The following ENPP3 variants were observed in gnomAD, a reference collection of about 807,000 sequenced individuals.
ENPP3 encodes the protein ectonucleotide pyrophosphatase/phosphodiesterase 3.
ENPP3 carries 104 observed loss-of-function variants against 117.8 expected under a neutral mutation model. The observed-to-expected ratio is 0.88, with a 90% CI of 0.75 to 1.04. ENPP3 has a LOEUF of 1.04. ENPP3 is among the 50% of genes least tolerant of loss of function. The probability of loss-of-function intolerance (pLI) is 0.00; values close to 1 mark genes in which losing one functional copy is unlikely to be tolerated. For missense variants in ENPP3, 1,026 were observed against 1,051.9 expected (o/e 0.98, Z 0.34); for synonymous variants, 380 against 349.9 (o/e 1.09, Z -0.96).
intron 18 of ENPP3, among the ~76,000 whole-genome samples, chr6:131,723,482 G>T (rs1780079856): frequency 6.6e-6 from 1 of 152,132 alleles, no homozygotes; most frequent in Admixed American, 6.6e-5. Flanking sequence ...CATGCTCAGA[G>T]AAGTTAGATA....
chr6:131,739,475 C>A (rs369484266), intron 23 of ENPP3, among the ~76,000 whole-genome samples: 83 of 152,022 alleles, frequency 5.5e-4, no homozygotes, highest in African/African-American at 1.8e-3. Context: ...TGGAAGTGCA[C>A]GGCTGGAGGT....
In ENPP3 at chr6:131,661,390, G is replaced by C. The variant is rs1162026996; in HGVS notation, c.562+2970G>C. 2.6e-5 allele frequency among the ~76,000 whole-genome samples: 4 copies of C among 151,718 alleles called. No individual in the cohort carries two copies. In the East Asian group the frequency reaches 7.7e-4, roughly 29 times the overall value. ...ATATCTTCATCAACACCTGTTTTTGGGGTTTTTTTGATACTAGATATCCTA... is the reference window on the plus strand; with the variant it reads ...ATATCTTCATCAACACCTGTTTTTGCGGTTTTTTTGATACTAGATATCCTA... On this transcript the variant is annotated intron_variant, in intron 6 of 24. Coordinates refer to ENST00000357639, the MANE Select transcript of ENPP3 (RefSeq NM_005021.5).
rs200773947 is a variant in ENPP3, at chr6:131,685,398, C to T, written c.1155C>T (p.Tyr385=). The change falls in exon 13 of 25, where the codon TAC becomes TAT. Residue 385 remains tyrosine (Y), a synonymous_variant. Transcript: ENST00000357639. ...AGACTTATTGTAACAAGATGGAATACATGACTGATTATTTTCCCAGAATAA... is the reference window on the plus strand; with the variant it reads ...AGACTTATTGTAACAAGATGGAATATATGACTGATTATTTTCCCAGAATAA... The part of the protein sequence containing the change: ...MDQTYCNKME[Y]MTDYFPRINF... 28 of 1,612,098 alleles carry T rather than the reference C, an allele frequency of 1.7e-5. No homozygotes were observed. The East Asian group carries it at 6.2e-4, about 36-fold the overall frequency.
chr6:131,660,154 C>A (rs55993291), intron 6 of ENPP3, among the ~76,000 whole-genome samples: 1 of 152,188 alleles, frequency 6.6e-6, no homozygotes, highest in African/African-American at 2.4e-5. Context: ...GGTACATATT[C>A]TCAGGACCAC....
chr6:131,638,894 T>C (rs1050997280), intron 1 of ENPP3, among the ~76,000 whole-genome samples: 1 of 151,994 alleles, frequency 6.6e-6, no homozygotes, highest in Non-Finnish European at 1.5e-5. Context: ...AACCCTGGGC[T>C]CAAGTGATCC....
chr6:131,645,747 GA>G (rs1197939686), intron 2 of ENPP3, among the ~76,000 whole-genome samples: 1 of 152,182 alleles, frequency 6.6e-6, no homozygotes. Flanking sequence ...ATAGTATCCA[GA>G]GTTGCTTTTA....
chr6:131,643,917 G>A (rs1408919195), intron 2 of ENPP3, among the ~76,000 whole-genome samples: 3 of 148,868 alleles, frequency 2.0e-5, no homozygotes, highest in Non-Finnish European at 4.4e-5. Context: ...AAGGAATCAG[G>A]GTCGTCTGTG....
chr6:131,676,743 C>A lies in ENPP3; in HGVS notation c.880C>A (p.Pro294Thr), dbSNP rs759226322. 20 of 1,598,810 alleles carry A rather than the reference C, an allele frequency of 1.3e-5. No homozygotes were observed. Among genetic ancestry groups the A allele is most frequent in the Non-Finnish European group, 1.5e-5 (18 of 1,166,644 alleles). ...TCTACCCTATTTTTTCAGAAGTGTC[C>A]CATTTGAAGAGAGGATTTCTACACT... is the stretch of plus-strand genomic sequence containing the variant. ...SIYMPYNGSV[P>T]FEERISTLLK... The change falls in exon 10 of 25, where the codon CCA becomes ACA. Residue 294 changes from proline (P) to threonine (T), a missense_variant. Pro to Thr is a conservative substitution (Grantham distance 38). Transcript: ENST00000357639.
At chr6:131,681,367 A>G (rs1009842139) in intron 11 of ENPP3, among the ~76,000 whole-genome samples, 1 of 152,208 alleles carries the variant, frequency 6.6e-6, no homozygotes, top group African/African-American at 2.4e-5. Context: ...GAGATAATGC[A>G]CTAAAGACCT....
chr6:131,675,061 A>T lies in ENPP3; in HGVS notation c.763-19A>T. On this transcript the variant is annotated intron_variant, in intron 8 of 24. Transcript: ENST00000357639. ...CCAAAGTAATTACTGACTTTCGCTT[A>T]TCCTAAATTTTCTTACAGATGTGGC... 3 of 1,517,556 alleles carry T rather than the reference A, an allele frequency of 2.0e-6. No homozygotes were observed. Among genetic ancestry groups the T allele is most frequent in the Non-Finnish European group, 2.7e-6 (3 of 1,092,214 alleles). 94.0% of individuals were successfully genotyped at this position (1,517,556 alleles called of 1,614,324 possible). A position where few individuals can be genotyped will look rare whatever the true frequency, so the allele number is the denominator to read the frequency against.
chr6:131,671,172 T>C, intron 6 of ENPP3, 76 bp from the exon 7 acceptor site: 1 of 833,790 alleles, frequency 1.2e-6, no homozygotes. Flanking sequence ...TGAGAGACTT[T>C]CATGTTCAGA....
chr6:131,643,400 A>G (rs751047455), intron 2 of ENPP3, among the ~76,000 whole-genome samples: 2 of 152,052 alleles, frequency 1.3e-5, no homozygotes, highest in Non-Finnish European at 2.9e-5. Flanking sequence ...TAGTACACCC[A>G]TTGGCTGGCT....
Position 131,746,850 on chromosome 6 carries a change from A to T in ENPP3, c.2522A>T (p.Asp841Val). The T allele has an allele frequency of 6.2e-7, 1 of 1,613,574 alleles. No individual in the cohort carries two copies. Among genetic ancestry groups the T allele is most frequent in the Non-Finnish European group, 8.5e-7 (1 of 1,179,718 alleles). Reference protein sequence around the residue: ...RFTAHIARVRDVELLTGLDFY... With the variant: ...RFTAHIARVRVVELLTGLDFY... ...ACAGCTCACATTGCCCGGGTCCGTG[A>T]TGTAGAACTTCTCACTGGGCTTGAC... Residue 841 changes from aspartate to valine, a missense_variant, in exon 25 of 25, where the codon GAT becomes GTT. Transcript: ENST00000357639.
At chr6:131,673,626 T>G (rs1458836210) in intron 7 of ENPP3, among the ~76,000 whole-genome samples, 2 of 151,764 alleles carry the variant, frequency 1.3e-5, no homozygotes, top group East Asian at 1.9e-4. Flanking sequence ...CTATGACACA[T>G]GTTTACCTAG....
At chr6:131,678,520 CA>C (rs1340266613) in intron 11 of ENPP3, among the ~76,000 whole-genome samples, 1 of 152,204 alleles carries the variant, frequency 6.6e-6, no homozygotes. Context: ...TTTAACAAAA[CA>C]AGCCATTCTG....
chr6:131,662,859 C>G (rs1414593225), intron 6 of ENPP3, among the ~76,000 whole-genome samples: 1 of 152,088 alleles, frequency 6.6e-6, no homozygotes, highest in Non-Finnish European at 1.5e-5. Context: ...TCTTCCTTAA[C>G]TTCTTTTCCC....
intron 5 of ENPP3, 49 bp from the exon 6 acceptor site, chr6:131,658,274 T>C: frequency 1.0e-6 from 1 of 971,658 alleles, no homozygotes; most frequent in Non-Finnish European, 1.7e-6. Flanking sequence ...GCTTTTGAGG[T>C]AAATGTAGCT....
intron 24 of ENPP3, among the ~76,000 whole-genome samples, chr6:131,741,801 G>C (rs147908149): frequency 2.6e-5 from 4 of 152,252 alleles, no homozygotes; most frequent in African/African-American, 9.6e-5. Flanking sequence ...CATTGATGTG[G>C]AAAGTCCCAT....
At chr6:131,662,453 G>T (rs1347671146) in intron 6 of ENPP3, among the ~76,000 whole-genome samples, 2 of 152,088 alleles carry the variant, frequency 1.3e-5, no homozygotes, top group African/African-American at 4.8e-5. Flanking sequence ...TGTTGTCCAG[G>T]CTGGTCTTGA....
Sources: gnomAD v4.1 joint callset for allele counts (sites outside exome capture counted in the v4.1 genomes callset) on GRCh38, gnomAD v4.1.1 for gene constraint, MANE v1.5 for transcripts, NCBI Gene and HGNC (gene_info 2026-07-23, HGNC 2026-07-21) for gene names.